Variants in CDK18 observed in about 807,000 individuals in gnomAD.
The protein encoded by CDK18 is cyclin-dependent kinase 18.
A neutral mutation model predicts 62.0 loss-of-function variants in CDK18; 52 were observed. The observed-to-expected ratio is 0.84, with a 90% CI of 0.67 to 1.06. The LOEUF is 1.06. CDK18 is among the 50% of genes least tolerant of loss of function. CDK18 has a pLI of 0.00. For synonymous variants in CDK18, 237 were observed against 247.0 expected (o/e 0.96, Z 0.38); for missense variants, 604 against 619.9 (o/e 0.97, Z 0.27).
intron 13 of CDK18, chr1:205,529,923 C>G (rs1668652791): frequency 7.2e-7 from 1 of 1,383,584 alleles, no homozygotes; most frequent in Non-Finnish European, 9.4e-7. Context: ...GTAAGGCACA[C>G]GATGAAGGGT....
chr1:205,508,567 G>A (rs1667418601), intron 1 of CDK18, among the ~76,000 whole-genome samples: 1 of 152,240 alleles, frequency 6.6e-6, no homozygotes, highest in South Asian at 2.1e-4. Flanking sequence ...CAGAGGAGGA[G>A]GGGTAGTGAG....
chr1:205,523,058 T>A (rs1471835149), intron 1 of CDK18, 89 bp from the exon 2 acceptor site: 1 of 1,413,970 alleles, frequency 7.1e-7, no homozygotes, highest in African/African-American at 1.4e-5. Context: ...GCGACAGAGC[T>A]TGATGAGAGA....
rs771317045 is a variant in CDK18 at position 205,526,432 on chromosome 1, C to T, written c.637C>T (p.Arg213Trp). Reference protein sequence around the residue: ...VTLHDLIHTDRSLTLVFEYLD... With the variant: ...VTLHDLIHTDWSLTLVFEYLD... ...CCTGCATGACCTCATCCACACAGAT[C>T]GGTCCCTCACCCTGGTGTTTGAGTA... Residue 213 changes from arginine to tryptophan, a missense_variant, in exon 7 of 16, where the codon CGG becomes TGG. By Grantham distance (101) the Arg-to-Trp change is moderately radical. Transcript: ENST00000429964. 12 of 1,613,982 alleles carry T rather than the reference C, an allele frequency of 7.4e-6. No individual in the cohort carries two copies. The Middle Eastern group carries it at 5.0e-4, about 67-fold the overall frequency.
chr1:205,514,958 G>A (rs137973405), intron 1 of CDK18, among the ~76,000 whole-genome samples: 82 of 152,222 alleles, frequency 5.4e-4, no homozygotes, highest in African/African-American at 1.8e-3. Context: ...TGGTTTTACC[G>A]AGGGAAAAAT....
chr1:205,528,459 C>T lies in CDK18; in HGVS notation c.974+291C>T, dbSNP rs1668555268. Among the ~76,000 whole-genome samples the T allele has an allele frequency of 6.6e-6, 1 of 152,118 alleles. No homozygotes were observed. Among genetic ancestry groups the T allele is most frequent in the African/African-American group, 2.4e-5 (1 of 41,414 alleles). ...TCCAGGAGGGCCCCTATAGTAAATA[C>T]GATGAATCTTCCCCAAGCATCAGTC... On this transcript the variant is annotated intron_variant, in intron 10 of 15. Transcript: ENST00000429964. The surrounding 1 kb of genome is among the most constrained non-coding windows in gnomAD (Gnocchi z 4.2).
At chr1:205,530,025 T>G in intron 13 of CDK18, 1 of 1,414,316 alleles carries the variant, frequency 7.1e-7, no homozygotes, top group South Asian at 1.5e-5. Flanking sequence ...AAGGTCACTC[T>G]CCTGAAGTTT....
chr1:205,519,833 C>T (rs1266662218), intron 1 of CDK18, among the ~76,000 whole-genome samples: 1 of 152,014 alleles, frequency 6.6e-6, no homozygotes, highest in African/African-American at 2.4e-5. Flanking sequence ...CTCCCCTCCC[C>T]TCACCCTACA....
intron 1 of CDK18, among the ~76,000 whole-genome samples, chr1:205,508,094 GCT>G (rs1360354951): frequency 1.3e-5 from 2 of 152,210 alleles, no homozygotes; most frequent in South Asian, 2.1e-4. Flanking sequence ...TCCCTGTTCT[GCT>G]CTGTTGTTCA....
rs774791824 is a variant in CDK18 at position 205,528,190 on chromosome 1, C to G, written c.974+22C>G. On this transcript the variant is annotated intron_variant, in intron 10 of 15. Coordinates refer to ENST00000429964, the MANE Select transcript of CDK18 (RefSeq NM_212502.3). The surrounding 1 kb of genome is among the most constrained non-coding windows in gnomAD (Gnocchi z 4.2). The stretch of plus-strand genomic sequence containing the variant: ...TGTGGTGAGTGAGCACTGTGGGGAC[C>G]GAGGAGGGGAGGACAGGCCTGGCCA... The G allele has an allele frequency of 6.2e-7, 1 of 1,612,188 alleles. No homozygotes were observed. The highest frequency in any genetic ancestry group is 2.2e-5 in the East Asian group (1 of 44,848).
intron 1 of CDK18, among the ~76,000 whole-genome samples, chr1:205,514,340 C>T (rs999576790): frequency 1.1e-4 from 17 of 152,144 alleles, no homozygotes; most frequent in Admixed American, 2.6e-4. Context: ...TTCCTGTTCC[C>T]TCTGAAACCC....
chr1:205,516,329 G>A lies in CDK18; in HGVS notation c.-21-6818G>A, dbSNP rs76790349. On this transcript the variant is annotated intron_variant, in intron 1 of 15. Transcript: ENST00000429964. The surrounding 1 kb of genome is among the most constrained non-coding windows in gnomAD (Gnocchi z 4.8). ...AAGTGGCTGAGTGACCGAGGCAGGG[G>A]CAGGGACTGGGAGATAGGGTGTCAT... Among the ~76,000 whole-genome samples the A allele has an allele frequency of 3.7e-3, 556 of 152,256 alleles. 2 individuals carry two copies. Among genetic ancestry groups the A allele is most frequent in the African/African-American group, 0.012 (509 of 41,552 alleles).
Position 205,528,596 on chromosome 1 carries a change from A to G in CDK18, c.975-403A>G, listed in dbSNP as rs1668562198. On this transcript the variant is annotated intron_variant, in intron 10 of 15. Coordinates refer to ENST00000429964, the MANE Select transcript of CDK18 (RefSeq NM_212502.3). This position sits in a 1 kb window ranked among gnomAD's most constrained non-coding sequence, Gnocchi z 4.2. Reference sequence around the variant, plus strand: ...ATTGCAAGCCAAGCCGCCGGTGGTTATGAATGGCTGCTGTGACTCCGCCCC... The same window carrying G: ...ATTGCAAGCCAAGCCGCCGGTGGTTGTGAATGGCTGCTGTGACTCCGCCCC... The G allele has an allele frequency of 3.8e-6, 1 of 260,040 alleles. No individual in the cohort carries two copies. Among genetic ancestry groups the G allele is most frequent in the Non-Finnish European group, 7.3e-6 (1 of 137,580 alleles). 16.1% of individuals were successfully genotyped at this position (260,040 alleles called of 1,614,324 possible).
intron 8 of CDK18, 32 bp downstream of exon 8, chr1:205,526,869 T>G (rs1388493506): frequency 1.3e-6 from 2 of 1,576,090 alleles, no homozygotes; most frequent in Admixed American, 3.3e-5. Context: ...CCCCCCATCT[T>G]GGCAGCCACC....
rs1005635720 is a variant in CDK18 at position 205,529,383 on chromosome 1, A to C, written c.1132A>C (p.Ser378Arg). The C allele has an allele frequency of 6.2e-7, 1 of 1,613,820 alleles. No homozygotes were observed. The highest frequency in any genetic ancestry group is 1.3e-5 in the African/African-American group (1 of 74,888). ...CGCCTTCTCTGAGTTCCGCACCTAC[A>C]GCTTCCCCTGCTACCTCCCGCAGCC... ...VTAFSEFRTYSFPCYLPQPLI... is the reference protein window; with the variant it reads ...VTAFSEFRTYRFPCYLPQPLI... Residue 378 changes from serine to arginine, a missense_variant, in exon 12 of 16, where the codon AGC (serine) becomes CGC (arginine). Physicochemically the swap from Ser to Arg is moderately radical, Grantham distance 110. Transcript: ENST00000429964.
At chr1:205,529,941 G>T in intron 13 of CDK18, 1 of 1,380,232 alleles carries the variant, frequency 7.2e-7, no homozygotes, top group Non-Finnish European at 9.4e-7. Context: ...GGTTGTTATC[G>T]GCACTACGCT....
intron 5 of CDK18, 80 bp downstream of exon 5, chr1:205,525,275 C>T (rs982175014): frequency 6.0e-5 from 61 of 1,015,192 alleles, no homozygotes; most frequent in Non-Finnish European, 8.4e-5. Flanking sequence ...AGTCGGCCCT[C>T]TCTGGTCGGC....
Position 205,531,349 on chromosome 1 carries a change from G to A in CDK18, c.1396G>A (p.Gly466Arg), listed in dbSNP as rs1209255595. The A allele has an allele frequency of 1.2e-6, 2 of 1,614,144 alleles. No individual in the cohort carries two copies. The highest frequency in any genetic ancestry group is 1.7e-6 in the Non-Finnish European group (2 of 1,180,000). ...RGLAFQQPGR[G>R]KNRRQSIF Reference sequence around the variant, plus strand: ...ACCTCTTCTCCATTCTCCAGGACGAGGGAAGAACAGGCGGCAGAGCATCTT... The same window carrying A: ...ACCTCTTCTCCATTCTCCAGGACGAAGGAAGAACAGGCGGCAGAGCATCTT... Residue 466 changes from glycine to arginine, a missense_variant, in exon 16 of 16, where the codon GGG (glycine) becomes AGG (arginine). Transcript: ENST00000429964.
chr1:205,527,831 G>A lies in CDK18; in HGVS notation c.767G>A (p.Cys256Tyr). ...CAGCTGCTCCGGGGCCTCGCCTACTGTCACCACCGCAAGATCCTGCACCGG... is the reference window on the plus strand; with the variant it reads ...CAGCTGCTCCGGGGCCTCGCCTACTATCACCACCGCAAGATCCTGCACCGG... Reference protein sequence around the residue: ...MFQLLRGLAYCHHRKILHRDL... With the variant: ...MFQLLRGLAYYHHRKILHRDL... Residue 256 changes from cysteine to tyrosine, a missense_variant, in exon 9 of 16, where the codon TGT (cysteine) becomes TAT (tyrosine). Coordinates refer to ENST00000429964, the MANE Select transcript of CDK18 (RefSeq NM_212502.3). This position sits in a 1 kb window ranked among gnomAD's most constrained non-coding sequence, Gnocchi z 4.1. 6.2e-7 allele frequency: 1 copy of A among 1,614,032 alleles called. No homozygotes were observed. Among genetic ancestry groups the A allele is most frequent in the African/African-American group, 1.3e-5 (1 of 75,026 alleles).
rs759474576 is a variant in CDK18 at position 205,524,269 on chromosome 1, G to A, written c.311G>A (p.Arg104His). 20 of 1,614,014 alleles carry A rather than the reference G, an allele frequency of 1.2e-5. No individual in the cohort carries two copies. The Admixed American group carries it at 1.7e-4, about 13-fold the overall frequency. Reference sequence around the variant, plus strand: ...AGGCTCTCTCTGCCCATGGATATCCGCCTGCCCCAGGAATTCCTACAGAAG... The same window carrying A: ...AGGCTCTCTCTGCCCATGGATATCCACCTGCCCCAGGAATTCCTACAGAAG... ...SKRLSLPMDI[R>H]LPQEFLQKLQ... The change falls in exon 4 of 16, where the codon CGC becomes CAC. Residue 104 changes from arginine (R) to histidine (H), a missense_variant. Arg to His is a conservative substitution (Grantham distance 29, BLOSUM62 0). Coordinates refer to ENST00000429964, the MANE Select transcript of CDK18 (RefSeq NM_212502.3).
Sources: allele counts gnomAD v4.1 joint callset (sites outside exome capture counted in the v4.1 genomes callset), GRCh38; gene constraint gnomAD v4.1.1; non-coding constraint Gnocchi (gnomAD v3.1); transcripts MANE v1.5; gene names NCBI Gene and HGNC (gene_info 2026-07-23, HGNC 2026-07-21).